Variants in ELOVL7 observed in about 807,000 individuals in gnomAD.
The protein encoded by ELOVL7 is ELOVL fatty acid elongase 7, also known as very long chain fatty acid elongase 7.
ELOVL7 carries 27 observed loss-of-function variants against 35.7 expected under a neutral mutation model. The observed-to-expected ratio is 0.76, with a 90% CI of 0.56 to 1.04. The LOEUF (loss-of-function observed/expected upper bound fraction) is 1.04, where lower values mean the gene tolerates loss of function less well. Ranked by LOEUF, ELOVL7 falls within the 50% of genes least tolerant of loss-of-function variation. The pLI is 0.00. For synonymous variants in ELOVL7, 113 were observed against 114.6 expected (o/e 0.99, Z 0.09); for missense variants, 327 against 340.8 (o/e 0.96, Z 0.32).
At chr5:60,755,157 G>GTCCT (rs1416521942) in intron 8 of ELOVL7, among the ~76,000 whole-genome samples, 1 of 152,172 alleles carries the variant, frequency 6.6e-6, no homozygotes, top group Admixed American at 6.5e-5. Context: ...TCTGACTTGA[G>GTCCT]TCCTTGACTA....
In ELOVL7 at chr5:60,764,307, T is replaced by G. The variant is rs765312108; in HGVS notation, c.419A>C (p.Asn140Thr). Reference sequence around the variant, plus strand: ...TACATGAAGGAAAGTCACTTGGCTATTTTTCTTGCGCAGAACAAAAAAGAT... The same window carrying G: ...TACATGAAGGAAAGTCACTTGGCTAGTTTTCTTGCGCAGAACAAAAAAGAT... Reference protein sequence around the residue: ...DTIFFVLRKKNSQVTFLHVFH... With the variant: ...DTIFFVLRKKTSQVTFLHVFH... The change falls in exon 7 of 9, where the codon AAT becomes ACT. Residue 140 changes from asparagine to threonine, a missense_variant. Coordinates refer to ENST00000508821, the MANE Select transcript of ELOVL7 (RefSeq NM_024930.3). The G allele has an allele frequency of 7.4e-6, 12 of 1,613,406 alleles. No individual in the cohort carries two copies. In the East Asian group the frequency reaches 2.7e-4, roughly 36 times the overall value.
intron 2 of ELOVL7, among the ~76,000 whole-genome samples, chr5:60,796,593 T>C (rs1426533721): frequency 6.6e-6 from 1 of 152,238 alleles, no homozygotes; most frequent in African/African-American, 2.4e-5. Context: ...GCTACCAACA[T>C]GTATTCATTC....
At chr5:60,815,610 C>T (rs1048587821) in intron 1 of ELOVL7, among the ~76,000 whole-genome samples, 11 of 151,330 alleles carry the variant, frequency 7.3e-5, no homozygotes, top group African/African-American at 2.5e-4. Context: ...TTCTGTTACC[C>T]AGGCTGGAAT....
intron 1 of ELOVL7, among the ~76,000 whole-genome samples, chr5:60,810,988 A>G (rs1411514357): frequency 6.6e-6 from 1 of 152,178 alleles, no homozygotes; most frequent in African/African-American, 2.4e-5. Flanking sequence ...AATAAGGTAT[A>G]TTTATCTGTA....
intron 1 of ELOVL7, among the ~76,000 whole-genome samples, chr5:60,836,860 G>C (rs1172914155): frequency 6.6e-6 from 1 of 151,806 alleles, no homozygotes; most frequent in African/African-American, 2.4e-5. Context: ...AATCTAAATT[G>C]GGTTTATTTT....
At chr5:60,763,860 G>A (rs563006608) in intron 7 of ELOVL7, among the ~76,000 whole-genome samples, 76 of 152,162 alleles carry the variant, frequency 5.0e-4, no homozygotes, top group African/African-American at 1.8e-3. Flanking sequence ...CTTCCTGGGA[G>A]CATACAGGAA....
chr5:60,798,704 T>A (rs1744413328), intron 2 of ELOVL7, among the ~76,000 whole-genome samples: 1 of 152,078 alleles, frequency 6.6e-6, no homozygotes, highest in African/African-American at 2.4e-5. Flanking sequence ...GCACCAAAAA[T>A]AATGCAAAGA....
At chr5:60,800,258 G>C (rs529215308) in intron 1 of ELOVL7, among the ~76,000 whole-genome samples, 18 of 152,206 alleles carry the variant, frequency 1.2e-4, no homozygotes, top group Middle Eastern at 3.4e-3. Flanking sequence ...ATCAAATTCA[G>C]TAGCACATAA....
At chr5:60,819,180 G>T (rs1745743598) in intron 1 of ELOVL7, among the ~76,000 whole-genome samples, 1 of 148,334 alleles carries the variant, frequency 6.7e-6, no homozygotes, top group Admixed American at 6.8e-5. Flanking sequence ...AAAATGAACT[G>T]ACAGAAATCA....
chr5:60,765,285 G>A (rs188998077), intron 6 of ELOVL7, among the ~76,000 whole-genome samples: 194 of 152,288 alleles, frequency 1.3e-3, no homozygotes, highest in African/African-American at 4.5e-3. Flanking sequence ...GTCCCACTTA[G>A]TAGCAGCATT....
At chr5:60,829,857 T>C (rs1363437359) in intron 1 of ELOVL7, among the ~76,000 whole-genome samples, 1 of 152,240 alleles carries the variant, frequency 6.6e-6, no homozygotes, top group African/African-American at 2.4e-5. Context: ...TGGCTACTGA[T>C]ATATAGTTAT....
intron 3 of ELOVL7, among the ~76,000 whole-genome samples, chr5:60,775,556 T>A (rs1742852153): frequency 6.6e-6 from 1 of 152,188 alleles, no homozygotes; most frequent in Non-Finnish European, 1.5e-5. Flanking sequence ...GCTGGAGGCA[T>A]CACATTATCT....
intron 3 of ELOVL7, among the ~76,000 whole-genome samples, chr5:60,783,696 T>C (rs1188058447): frequency 6.6e-6 from 1 of 152,192 alleles, no homozygotes; most frequent in Non-Finnish European, 1.5e-5. Context: ...AAGGCACACC[T>C]CTATTTGAAA....
rs1023842746 is a variant in ELOVL7, at chr5:60,751,901, A to T, written c.*2723T>A. Reference sequence around the variant, plus strand: ...AAAAAGTTAGCAGAAATAAAGGGTAATGGAAAGAATATAATCTCGTAATTT... The same window carrying T: ...AAAAAGTTAGCAGAAATAAAGGGTATTGGAAAGAATATAATCTCGTAATTT... On this transcript the variant is annotated 3_prime_UTR_variant, in exon 9 of 9. Transcript: ENST00000508821. The T allele has an allele frequency of 6.6e-6, 1 of 152,214 alleles. No individual in the cohort carries two copies. The highest frequency in any genetic ancestry group is 2.4e-5 in the African/African-American group (1 of 41,460). The allele number at this position is 152,214 out of a possible 1,614,324, so 9.4% of individuals were successfully genotyped here.
intron 8 of ELOVL7, among the ~76,000 whole-genome samples, chr5:60,755,441 G>A (rs1194640063): frequency 5.9e-5 from 9 of 152,066 alleles, no homozygotes; most frequent in Non-Finnish European, 7.4e-5. Context: ...GGTGGATCAC[G>A]AGGTTAGGAG....
At chr5:60,837,928 C>G (rs1364215222) in intron 1 of ELOVL7, among the ~76,000 whole-genome samples, 1 of 152,102 alleles carries the variant, frequency 6.6e-6, no homozygotes, top group Non-Finnish European at 1.5e-5. Context: ...AAGAGCAAAA[C>G]TCTGTCTCAA....
intron 1 of ELOVL7, among the ~76,000 whole-genome samples, chr5:60,840,571 G>T (rs758606774): frequency 6.6e-6 from 1 of 152,308 alleles, no homozygotes; most frequent in East Asian, 1.9e-4. Context: ...TACCCAGTTG[G>T]TGGTACTTTG....
chr5:60,755,992 T>C (rs1741518571), intron 8 of ELOVL7, among the ~76,000 whole-genome samples: 1 of 152,194 alleles, frequency 6.6e-6, no homozygotes, highest in Admixed American at 6.5e-5. Flanking sequence ...TCAACTTTCC[T>C]TGCATTATCT....
Position 60,752,295 on chromosome 5 carries a change from T to C in ELOVL7, c.*2329A>G, listed in dbSNP as rs1741319886. ...TTGTAGCATTCTGGCTCTCCACTTC[T>C]ATTCATATAATTGAGTATGTGTTTT... On this transcript the variant is annotated 3_prime_UTR_variant, in exon 9 of 9. Transcript: ENST00000508821. 1 of 152,646 alleles carries C rather than the reference T, an allele frequency of 6.6e-6. No homozygotes were observed. Among genetic ancestry groups the C allele is most frequent in the South Asian group, 2.1e-4 (1 of 4,836 alleles). 9.5% of individuals were successfully genotyped at this position (152,646 alleles called of 1,614,324 possible).
Sources: gnomAD v4.1 joint callset for allele counts (sites outside exome capture counted in the v4.1 genomes callset) on GRCh38, gnomAD v4.1.1 for gene constraint, MANE v1.5 for transcripts, NCBI Gene and HGNC (gene_info 2026-07-23, HGNC 2026-07-21) for gene names.